The following STARD9 variants were observed in gnomAD, a reference collection of about 807,000 sequenced individuals.
STARD9 encodes the protein StAR related lipid transfer domain containing 9.
A neutral mutation model predicts 399.8 loss-of-function variants in STARD9; 346 were observed. That is an observed-to-expected ratio of 0.87 (90% CI 0.79 to 0.95). The LOEUF is 0.95. Among genes scored for constraint, STARD9 ranks in the 40% least tolerant of loss-of-function variants. The probability of loss-of-function intolerance (pLI) is 0.00; values close to 1 mark genes in which losing one functional copy is unlikely to be tolerated. For synonymous variants in STARD9, 2,203 were observed against 2,143.5 expected, an observed-to-expected ratio of 1.03 and a Z score of -0.77; for missense variants, 5,832 against 5,667.5, an observed-to-expected ratio of 1.03 and a Z score of -0.93.
intron 15 of STARD9, among the ~76,000 whole-genome samples, chr15:42,666,069 T>C (rs1417867245): frequency 6.6e-6 from 1 of 152,186 alleles, no homozygotes; most frequent in Non-Finnish European, 1.5e-5. Flanking sequence ...GATTCGTAAG[T>C]CCTTTGGATA....
At chr15:42,673,856 T>TA in intron 16 of STARD9, 1 of 453,796 alleles carries the variant, frequency 2.2e-6, no homozygotes, top group Admixed American at 2.4e-5. Flanking sequence ...CCTCCTCTCT[T>TA]ACACTCTCTT....
rs549796543 is a variant in STARD9, at chr15:42,616,361, G to GGA, written c.235-18492_235-18491dup. The stretch of plus-strand genomic sequence containing the variant: ...GACTGTTATTCAGAAATACTGAAGG[G>GGA]GAGACATGGTAAAGTTTCTTCCACT... On this transcript the variant is annotated intron_variant, in intron 3 of 32. Coordinates refer to ENST00000290607, the MANE Select transcript of STARD9 (RefSeq NM_020759.3). 2.2e-3 allele frequency among the ~76,000 whole-genome samples: 339 copies of GGA among 152,316 alleles called. 3 individuals are homozygous for GGA. The highest frequency in any genetic ancestry group is 7.8e-3 in the African/African-American group (324 of 41,570).
In STARD9 at chr15:42,718,168, G is replaced by C; in HGVS notation, c.13751G>C (p.Ser4584Thr). Residue 4584 changes from serine (S) to threonine (T), a missense_variant, in exon 30 of 33, where the codon AGC (serine) becomes ACC (threonine). Physicochemically the swap from Ser to Thr is moderately conservative, Grantham distance 58. Around this residue, in one of 2 missense-constraint regions of STARD9, gnomAD observed 5,828 missense variants for 5,651.1 expected, o/e 1.03. Transcript: ENST00000290607. ...TARLHQRVTNSISLVYLVCNT... is the reference protein window; with the variant it reads ...TARLHQRVTNTISLVYLVCNT... Reference sequence around the variant, plus strand: ...AGGCTGCATCAGCGAGTGACCAACAGCATCAGCCTGGGTGAGCCCAGGGAA... The same window carrying C: ...AGGCTGCATCAGCGAGTGACCAACACCATCAGCCTGGGTGAGCCCAGGGAA... 1 of 1,536,776 alleles carries C rather than the reference G, an allele frequency of 6.5e-7. No individual in the cohort carries two copies. Among genetic ancestry groups the C allele is most frequent in the Non-Finnish European group, 8.7e-7 (1 of 1,146,830 alleles).
Position 42,638,800 on chromosome 15 carries a change from C to T in STARD9, c.547C>T (p.Pro183Ser). 4 of 1,532,522 alleles carry T rather than the reference C, an allele frequency of 2.6e-6. No homozygotes were observed. Among genetic ancestry groups the T allele is most frequent in the Non-Finnish European group, 3.5e-6 (4 of 1,143,814 alleles). The allele number at this position is 1,532,522 out of a possible 1,614,324, so 94.9% of individuals were successfully genotyped here. The change falls in exon 7 of 33, where the codon CCC becomes TCC. Residue 183 changes from proline (P) to serine (S), a missense_variant. Coordinates refer to ENST00000290607, the MANE Select transcript of STARD9 (RefSeq NM_020759.3). ...LRVREHPEMG[P>S]YVQGLSQHVV... The stretch of plus-strand genomic sequence containing the variant: ...GGTCAGGGAGCATCCAGAGATGGGG[C>T]CCTATGTACAAGGTGAGCTACTGTG...
In STARD9 at chr15:42,692,374, G is replaced by T; in HGVS notation, c.10796G>T (p.Cys3599Phe). The stretch of plus-strand genomic sequence containing the variant: ...AGGGGCCCTTCTGGTGAAGCAGACT[G>T]TCTGAGGAGTAAGCCCCCCTTGGCC... ...QFRGPSGEAD[C>F]LRSKPPLAKG... The change falls in exon 23 of 33, where the codon TGT (cysteine) becomes TTT (phenylalanine). Residue 3599 changes from cysteine to phenylalanine, a missense_variant. Around this residue, in one of 2 missense-constraint regions of STARD9, gnomAD observed 5,828 missense variants for 5,651.1 expected, o/e 1.03. Coordinates refer to ENST00000290607, the MANE Select transcript of STARD9 (RefSeq NM_020759.3). 1 of 1,536,994 alleles carries T rather than the reference G, an allele frequency of 6.5e-7. No individual in the cohort carries two copies. Among genetic ancestry groups the T allele is most frequent in the Non-Finnish European group, 8.7e-7 (1 of 1,146,918 alleles).
intron 3 of STARD9, among the ~76,000 whole-genome samples, chr15:42,601,149 A>G (rs1237044343): frequency 3.3e-5 from 5 of 152,138 alleles, no homozygotes; most frequent in African/African-American, 9.7e-5. Context: ...CCCTTAGTGG[A>G]CACAGCACAT....
Position 42,685,445 on chromosome 15 carries a change from C to G in STARD9, c.3867C>G (p.Pro1289=). 1 of 1,536,570 alleles carries G rather than the reference C, an allele frequency of 6.5e-7. No homozygotes were observed. Among genetic ancestry groups the G allele is most frequent in the Non-Finnish European group, 8.7e-7 (1 of 1,146,626 alleles). ...PQFQPHCELQ[P]HCELQPHCEL... is the part of the protein sequence containing the mutation. ...TCCAACCCCATTGTGAGCTCCAACC[C>G]CATTGTGAGCTCCAACCCCATTGTG... Residue 1289 remains proline, a synonymous_variant, in exon 23 of 33, where the codon CCC becomes CCG. Transcript: ENST00000290607.
Position 42,689,206 on chromosome 15 carries a change from A to G in STARD9, c.7628A>G (p.Asp2543Gly). 1 of 1,537,234 alleles carries G rather than the reference A, an allele frequency of 6.5e-7. No individual in the cohort carries two copies. The highest frequency in any genetic ancestry group is 8.7e-7 in the Non-Finnish European group (1 of 1,146,912). Reference sequence around the variant, plus strand: ...GAGCCTAGGCTGTTGGAGCCCTCTGACCATGCATCCATGTGCCTGGCCATC... The same window carrying G: ...GAGCCTAGGCTGTTGGAGCCCTCTGGCCATGCATCCATGTGCCTGGCCATC... The part of the protein sequence containing the change: ...SPEPRLLEPS[D>G]HASMCLAILE... Residue 2543 changes from aspartate to glycine, a missense_variant, in exon 23 of 33, where the codon GAC (aspartate) becomes GGC (glycine). This residue lies in a region of STARD9 where 5,828 missense variants were observed against 5,651.1 expected (regional missense o/e 1.03). Coordinates refer to ENST00000290607, the MANE Select transcript of STARD9 (RefSeq NM_020759.3).
At chr15:42,611,707 A>C (rs1480044092) in intron 3 of STARD9, among the ~76,000 whole-genome samples, 1 of 152,176 alleles carries the variant, frequency 6.6e-6, no homozygotes, top group Non-Finnish European at 1.5e-5. Context: ...GTTGGCTGTT[A>C]AACTTGCCAT....
chr15:42,693,391 C>T lies in STARD9; in HGVS notation c.11813C>T (p.Pro3938Leu). Reference protein sequence around the residue: ...VEGHQKLDSSPDPVDAPRTPM... With the variant: ...VEGHQKLDSSLDPVDAPRTPM... ...GGCCACCAGAAGCTTGACTCCAGCC[C>T]AGACCCTGTTGATGCCCCAAGGACT... Residue 3938 changes from proline to leucine, a missense_variant, in exon 23 of 33, where the codon CCA becomes CTA. Pro to Leu is a moderately conservative substitution (Grantham distance 98). This residue lies in a region of STARD9 where 5,828 missense variants were observed against 5,651.1 expected (regional missense o/e 1.03). Transcript: ENST00000290607. The T allele has an allele frequency of 1.3e-6, 2 of 1,537,242 alleles. No individual in the cohort carries two copies. Among genetic ancestry groups the T allele is most frequent in the South Asian group, 1.2e-5 (1 of 84,056 alleles).
intron 3 of STARD9, among the ~76,000 whole-genome samples, chr15:42,628,802 C>G (rs1045775392): frequency 6.6e-6 from 1 of 152,060 alleles, no homozygotes; most frequent in Non-Finnish European, 1.5e-5. Context: ...TGTTTTTATG[C>G]CAGTACCGTG....
intron 26 of STARD9, among the ~76,000 whole-genome samples, chr15:42,700,937 T>A (rs1359755423): frequency 6.6e-6 from 1 of 152,194 alleles, no homozygotes; most frequent in African/African-American, 2.4e-5. Context: ...TTTTTGTATA[T>A]GGTAAGAGAT....
At position 42,687,096 on chromosome 15, in the gene STARD9, A is replaced by G; in HGVS notation, c.5518A>G (p.Thr1840Ala). ...ATCAGGTAAATGCCCTGGAAATATTACAGAAGAAAGCCATGATTCAGTTTA... is the reference window on the plus strand; with the variant it reads ...ATCAGGTAAATGCCCTGGAAATATTGCAGAAGAAAGCCATGATTCAGTTTA... ...RESGKCPGNI[T>A]EESHDSVYSS... The change falls in exon 23 of 33, where the codon ACA (threonine) becomes GCA (alanine). Residue 1840 changes from threonine (T) to alanine (A), a missense_variant. By Grantham distance (58) the Thr-to-Ala change is moderately conservative (BLOSUM62 0). Coordinates refer to ENST00000290607, the MANE Select transcript of STARD9 (RefSeq NM_020759.3). 1.3e-6 allele frequency: 2 copies of G among 1,537,282 alleles called. No homozygotes were observed. Among genetic ancestry groups the G allele is most frequent in the Non-Finnish European group, 1.7e-6 (2 of 1,146,924 alleles).
rs1313632254 is a variant in STARD9 at position 42,695,832 on chromosome 15, T to C, written c.13236T>C (p.Tyr4412=). 2 of 1,537,278 alleles carry C rather than the reference T, an allele frequency of 1.3e-6. No individual in the cohort carries two copies. The highest frequency in any genetic ancestry group is 1.7e-6 in the Non-Finnish European group (2 of 1,146,898). ...TCTCGTCTGGCATGACCTCTGGCTA[T>C]AATAGCAGCCCAGCCTTGTCAGGCC... The part of the protein sequence containing the change: ...GSLSSGMTSG[Y]NSSPALSGQL... The change falls in exon 26 of 33, where the codon TAT becomes TAC. Residue 4412 remains tyrosine (Y), a synonymous_variant. Coordinates refer to ENST00000290607, the MANE Select transcript of STARD9 (RefSeq NM_020759.3).
intron 26 of STARD9, among the ~76,000 whole-genome samples, chr15:42,713,464 C>G (rs966005177): frequency 2.6e-5 from 4 of 152,168 alleles, no homozygotes; most frequent in African/African-American, 9.7e-5. Context: ...ATGTCCTTGT[C>G]TTACTCCTGA....
In STARD9 at chr15:42,691,931, C is replaced by T. The variant is rs2060717345; in HGVS notation, c.10353C>T (p.Cys3451=). ...TCCAGGTTAGGCCAGAAAATTGGTGCTCTCAGATGGACAAAGGAATGCTGC... is the reference window on the plus strand; with the variant it reads ...TCCAGGTTAGGCCAGAAAATTGGTGTTCTCAGATGGACAAAGGAATGCTGC... ...LGVQVRPENW[C]SQMDKGMLHF... is the part of the protein sequence containing the mutation. The change falls in exon 23 of 33, where the codon TGC becomes TGT. Residue 3451 remains cysteine, a synonymous_variant. Coordinates refer to ENST00000290607, the MANE Select transcript of STARD9 (RefSeq NM_020759.3). 3 of 1,537,166 alleles carry T rather than the reference C, an allele frequency of 2.0e-6. No homozygotes were observed. Among genetic ancestry groups the T allele is most frequent in the Non-Finnish European group, 2.6e-6 (3 of 1,146,928 alleles).
Position 42,690,086 on chromosome 15 carries a change from A to G in STARD9, c.8508A>G (p.Gln2836=). The G allele has an allele frequency of 2.0e-6, 3 of 1,537,676 alleles. No homozygotes were observed. The highest frequency in any genetic ancestry group is 2.4e-5 in the East Asian group (1 of 40,922). The change falls in exon 23 of 33, where the codon CAA becomes CAG. Residue 2836 remains glutamine, a synonymous_variant. Transcript: ENST00000290607. ...CAGGGCCTAAGCAAGACCATGTCCA[A>G]TGCCCTGAGGCTTCTACTGGCTTTG... is the stretch of plus-strand genomic sequence containing the variant. ...SASGPKQDHV[Q]CPEASTGFEE... is the part of the protein sequence containing the mutation.
chr15:42,576,152 G>T (rs1461416405), intron 1 of STARD9, among the ~76,000 whole-genome samples: 4 of 152,194 alleles, frequency 2.6e-5, no homozygotes, highest in Non-Finnish European at 5.9e-5. Context: ...GCTGAATGGT[G>T]TGTGTTTCTG....
intron 3 of STARD9, among the ~76,000 whole-genome samples, chr15:42,626,138 G>A (rs2059203982): frequency 1.3e-5 from 2 of 151,992 alleles, no homozygotes; most frequent in Non-Finnish European, 2.9e-5. Flanking sequence ...GGCCAGGCTG[G>A]TCTCAGAACT....
Sources: gnomAD v4.1 joint callset for allele counts (sites outside exome capture counted in the v4.1 genomes callset) on GRCh38, gnomAD v4.1.1 for gene constraint, gnomAD v4.1.1 regional missense constraint, MANE v1.5 for transcripts, NCBI Gene and HGNC (gene_info 2026-07-23, HGNC 2026-07-21) for gene names.